The following ATXN1 variants were observed in gnomAD, a reference collection of about 807,000 sequenced individuals.
ATXN1 encodes the protein ataxin-1.
In ATXN1, 8 loss-of-function variants were observed where a neutral mutation model predicts 56.4. That is an observed-to-expected ratio of 0.14 (90% CI 0.08 to 0.26). ATXN1 has a LOEUF of 0.26. Ranked by LOEUF, ATXN1 falls within the 10% of genes least tolerant of loss-of-function variation. The pLI is 1.00. For missense variants in ATXN1, 987 were observed against 1,106.5 expected (o/e 0.89, Z 1.53); for synonymous variants, 514 against 494.6 (o/e 1.04, Z -0.52).
chr6:16,686,985 G>C (rs946279664), intron 2 of ATXN1, among the ~76,000 whole-genome samples: 2 of 152,072 alleles, frequency 1.3e-5, no homozygotes, highest in Non-Finnish European at 2.9e-5. Context: ...TATAAGCCTT[G>C]GATGGAATTA....
intron 6 of ATXN1, among the ~76,000 whole-genome samples, chr6:16,397,965 C>G (rs970475732): frequency 6.6e-6 from 1 of 152,352 alleles, no homozygotes; most frequent in South Asian, 2.1e-4. Flanking sequence ...ATTAGGTGAT[C>G]TGTCCAAGGC....
intron 6 of ATXN1, among the ~76,000 whole-genome samples, chr6:16,362,830 G>C (rs1348020339): frequency 6.6e-6 from 1 of 152,138 alleles, no homozygotes; most frequent in Non-Finnish European, 1.5e-5. Context: ...AAACCTTTAT[G>C]GAGTGCCTAC....
chr6:16,565,171 G>A (rs1298960230), intron 4 of ATXN1, among the ~76,000 whole-genome samples: 3 of 152,172 alleles, frequency 2.0e-5, no homozygotes, highest in Non-Finnish European at 4.4e-5. Flanking sequence ...GCTTTAAAGT[G>A]GACAGGTCTT....
chr6:16,361,335 T>G (rs940467098), intron 6 of ATXN1, among the ~76,000 whole-genome samples: 1 of 152,226 alleles, frequency 6.6e-6, no homozygotes, highest in Non-Finnish European at 1.5e-5. Flanking sequence ...AAGCAGGACA[T>G]TGTACCATTT....
intron 4 of ATXN1, among the ~76,000 whole-genome samples, chr6:16,563,982 G>T (rs967656648): frequency 6.6e-6 from 1 of 152,172 alleles, no homozygotes. Flanking sequence ...ACAGGTGTAT[G>T]ATCTGGGATC....
intron 2 of ATXN1, among the ~76,000 whole-genome samples, chr6:16,700,441 C>A (rs1759258015): frequency 6.6e-6 from 1 of 152,200 alleles, no homozygotes; most frequent in South Asian, 2.1e-4. Flanking sequence ...CTACTCGCTG[C>A]CTGACAACAT....
At chr6:16,420,078 C>T (rs2237213) in intron 6 of ATXN1, among the ~76,000 whole-genome samples, 23,964 of 152,148 alleles carry the variant, frequency 0.16, 2,530 homozygotes, top group East Asian at 0.57. Flanking sequence ...ACATAGGCAA[C>T]GAATACTCTG....
rs199981008 is a variant in ATXN1 at position 16,671,312 on chromosome 6, T to C, written c.-614-13411A>G. On this transcript the variant is annotated intron_variant, in intron 2 of 7. Transcript: ENST00000436367. ...AATTGGCACTTTTCTTTTCTTTCTT[T>C]TTTTTTTTTTTTGCAGTAACGTAAC... Among the ~76,000 whole-genome samples, 941 of 150,576 alleles carry C rather than the reference T, an allele frequency of 6.2e-3. 37 individuals are homozygous for C. The South Asian group carries it at 0.094, about 15-fold the overall frequency.
intron 2 of ATXN1, among the ~76,000 whole-genome samples, chr6:16,665,836 G>T (rs1007670778): frequency 6.6e-6 from 1 of 152,164 alleles, no homozygotes; most frequent in African/African-American, 2.4e-5. Context: ...TGTGAGAAGT[G>T]TGCATTTTTA....
At chr6:16,503,946 C>A (rs1221428529) in intron 5 of ATXN1, among the ~76,000 whole-genome samples, 2 of 152,164 alleles carry the variant, frequency 1.3e-5, no homozygotes, top group Non-Finnish European at 2.9e-5. Flanking sequence ...CCAAACTCTT[C>A]ATTTTGCAAA....
intron 3 of ATXN1, among the ~76,000 whole-genome samples, chr6:16,622,639 A>G (rs528330182): frequency 1.3e-5 from 2 of 152,332 alleles, no homozygotes; most frequent in African/African-American, 4.8e-5. Flanking sequence ...TTTTAAAAGT[A>G]AGAGTGTTCT....
chr6:16,417,606 T>C (rs1758939799), intron 6 of ATXN1, among the ~76,000 whole-genome samples: 1 of 151,966 alleles, frequency 6.6e-6, no homozygotes, highest in African/African-American at 2.4e-5. Context: ...ACCTGGCTAA[T>C]TTTTTGTATA....
chr6:16,587,302 A>G (rs1454887821), intron 3 of ATXN1, among the ~76,000 whole-genome samples: 2 of 152,240 alleles, frequency 1.3e-5, no homozygotes, highest in Non-Finnish European at 2.9e-5. Flanking sequence ...AACAAGTCAG[A>G]TGATAACATC....
chr6:16,495,197 C>T (rs1760755461), intron 5 of ATXN1, among the ~76,000 whole-genome samples: 1 of 152,144 alleles, frequency 6.6e-6, no homozygotes, highest in South Asian at 2.1e-4. Context: ...TGTTTCAGTT[C>T]CTGCTCTATT....
At chr6:16,348,634 G>A (rs1761495084) in intron 6 of ATXN1, among the ~76,000 whole-genome samples, 2 of 152,218 alleles carry the variant, frequency 1.3e-5, no homozygotes, top group East Asian at 1.9e-4. Context: ...GGTGGAGGTT[G>A]CAGCGAACCA....
chr6:16,302,114 T>G lies in ATXN1; in HGVS notation c.*4215A>C, dbSNP rs1042538202. On this transcript the variant is annotated 3_prime_UTR_variant, in exon 8 of 8. Transcript: ENST00000436367. ...AATCTATGCGGTATCTAAGGAGTAA[T>G]CCACAAGATGCAGGAAATCCAAACA... The G allele has an allele frequency of 6.6e-6, 1 of 152,632 alleles. No homozygotes were observed. Among genetic ancestry groups the G allele is most frequent in the Admixed American group, 6.5e-5 (1 of 15,290 alleles). 9.5% of individuals were successfully genotyped at this position (152,632 alleles called of 1,614,324 possible). A position where few individuals can be genotyped will look rare whatever the true frequency, so the allele number is the denominator to read the frequency against.
intron 2 of ATXN1, among the ~76,000 whole-genome samples, chr6:16,713,872 C>T (rs1189350429): frequency 2.6e-5 from 4 of 152,284 alleles, no homozygotes; most frequent in Non-Finnish European, 5.9e-5. Context: ...CTTAACTGGT[C>T]CCTGGCCGCG....
At chr6:16,582,109 C>T (rs1256414029) in intron 4 of ATXN1, among the ~76,000 whole-genome samples, 1 of 152,212 alleles carries the variant, frequency 6.6e-6, no homozygotes, top group East Asian at 1.9e-4. Context: ...CAATCACAAC[C>T]TCATTGTCAG....
intron 6 of ATXN1, among the ~76,000 whole-genome samples, chr6:16,401,026 C>CT (rs934852767): frequency 1.1e-4 from 17 of 152,170 alleles, no homozygotes; most frequent in African/African-American, 4.1e-4. Flanking sequence ...ATATCCCTTC[C>CT]TTTTTAAAAA....
Sources: allele counts gnomAD v4.1 joint callset (sites outside exome capture counted in the v4.1 genomes callset), GRCh38; gene constraint gnomAD v4.1.1; transcripts MANE v1.5; gene names NCBI Gene and HGNC (gene_info 2026-07-23, HGNC 2026-07-21).